TEX14: variants seen among roughly 807,000 people sequenced by gnomAD.
The protein encoded by TEX14 is inactive serine/threonine-protein kinase TEX14.
Under a neutral mutation model 178.6 loss-of-function variants are expected in TEX14, and 168 were observed. The observed-to-expected ratio is 0.94, with a 90% confidence interval of 0.83 to 1.07. The LOEUF is 1.07. TEX14 is among the 50% of genes least tolerant of loss of function. TEX14 has a pLI of 0.00. For missense variants in TEX14, 1,730 were observed against 1,753.6 expected (o/e 0.99, Z 0.24); for synonymous variants, 626 against 634.1 (o/e 0.99, Z 0.19).
intron 21 of TEX14, among the ~76,000 whole-genome samples, chr17:58,576,904 C>T (rs117137289): frequency 6.6e-6 from 1 of 152,202 alleles, no homozygotes; most frequent in Non-Finnish European, 1.5e-5. Context: ...ATGGATGTAC[C>T]AAAGTCTGTT....
At chr17:58,632,179 C>CGGAA (rs1308752356) in intron 2 of TEX14, among the ~76,000 whole-genome samples, 5 of 152,196 alleles carry the variant, frequency 3.3e-5, no homozygotes, top group African/African-American at 1.2e-4. Context: ...GACTGATGAT[C>CGGAA]GGAAGCAAGA....
chr17:58,574,729 C>T (rs1364498826), intron 21 of TEX14, among the ~76,000 whole-genome samples: 2 of 141,306 alleles, frequency 1.4e-5, no homozygotes. Flanking sequence ...GGCTGTACTA[C>T]TAGCTGCGAG....
At chr17:58,581,462 G>T in intron 19 of TEX14, 1 of 807,120 alleles carries the variant, frequency 1.2e-6, no homozygotes, top group Non-Finnish European at 1.9e-6. Context: ...TGAATGCATG[G>T]GTTCATATCA....
At chr17:58,674,616 G>A (rs2047361647) in intron 1 of TEX14, among the ~76,000 whole-genome samples, 1 of 152,038 alleles carries the variant, frequency 6.6e-6, no homozygotes, top group South Asian at 2.1e-4. Context: ...GTTGCAGTGA[G>A]CCGAGATCCT....
In TEX14 at chr17:58,661,998, C is replaced by G. The variant is rs554765513; in HGVS notation, c.-1-9996G>C. The stretch of plus-strand genomic sequence containing the variant: ...CCCCCAAAGTGACTTTGCCAAGATT[C>G]AAGTATCTGCAGTTCCTGCCACACA... On this transcript the variant is annotated intron_variant, in intron 1 of 31. Transcript: ENST00000349033. Among the ~76,000 whole-genome samples, 6 of 152,088 alleles carry G rather than the reference C, an allele frequency of 3.9e-5. No individual in the cohort carries two copies. In the South Asian group the frequency reaches 1.0e-3, roughly 26 times the overall value.
At chr17:58,584,118 T>C (rs1296039986) in intron 19 of TEX14, among the ~76,000 whole-genome samples, 1 of 152,138 alleles carries the variant, frequency 6.6e-6, no homozygotes, top group Non-Finnish European at 1.5e-5. Flanking sequence ...TAGAGGATAT[T>C]CCAGGTGAAG....
intron 9 of TEX14, 122 bp downstream of exon 9, chr17:58,613,299 A>C: frequency 7.9e-7 from 1 of 1,267,960 alleles, no homozygotes; most frequent in South Asian, 1.4e-5. Context: ...TATAAAGCAA[A>C]AGAATAAAGA....
intron 1 of TEX14, among the ~76,000 whole-genome samples, chr17:58,673,075 A>C (rs1178834167): frequency 6.6e-6 from 1 of 151,900 alleles, no homozygotes; most frequent in African/African-American, 2.4e-5. Flanking sequence ...AATTTCTTAC[A>C]ATTGAGTGGT....
At chr17:58,604,176 T>A (rs1198615796) in intron 11 of TEX14, among the ~76,000 whole-genome samples, 2 of 151,446 alleles carry the variant, frequency 1.3e-5, no homozygotes, top group Non-Finnish European at 2.9e-5. Flanking sequence ...ATATTCAGGT[T>A]AAAAAGTTTG....
At chr17:58,649,256 T>C (rs2046789752) in intron 2 of TEX14, among the ~76,000 whole-genome samples, 1 of 151,732 alleles carries the variant, frequency 6.6e-6, no homozygotes, top group African/African-American at 2.4e-5. Flanking sequence ...ATTTTTATAT[T>C]TTTAGTAGAG....
At chr17:58,619,730 A>G (rs2045953729) in intron 5 of TEX14, among the ~76,000 whole-genome samples, 2 of 148,500 alleles carry the variant, frequency 1.3e-5, no homozygotes. Flanking sequence ...TGAACCCAGG[A>G]GACAGAGGTT....
At chr17:58,683,305 G>A (rs745559914) in intron 1 of TEX14, among the ~76,000 whole-genome samples, 24 of 150,974 alleles carry the variant, frequency 1.6e-4, no homozygotes, top group African/African-American at 3.7e-4. Flanking sequence ...CCTGGGAGGC[G>A]GAGGTTGCAG....
intron 18 of TEX14, among the ~76,000 whole-genome samples, 176 bp downstream of exon 18, chr17:58,585,610 GTTTTTTTTTTTTTTT>G (rs879707841): frequency 2.4e-5 from 2 of 83,066 alleles, no homozygotes; most frequent in African/African-American, 9.9e-5. Flanking sequence ...CCCAGCTAAT[GTTTTTTTTTTTTTTT>G]TTTTTTTTTT....
At chr17:58,613,735 T>G (rs2045804957) in intron 8 of TEX14, among the ~76,000 whole-genome samples, 191 bp from the exon 9 acceptor site, 1 of 152,138 alleles carries the variant, frequency 6.6e-6, no homozygotes, top group Non-Finnish European at 1.5e-5. Context: ...ATCTCTCGGC[T>G]GGCTCACTGC....
intron 10 of TEX14, among the ~76,000 whole-genome samples, chr17:58,608,416 CAAA>C (rs561515686): frequency 1.8e-5 from 2 of 108,406 alleles, no homozygotes; most frequent in Non-Finnish European, 1.9e-5. Context: ...GACTCCATCT[CAAA>C]AAAAAAAAAA....
chr17:58,642,942 T>C (rs1252952100), intron 2 of TEX14, among the ~76,000 whole-genome samples: 2 of 152,222 alleles, frequency 1.3e-5, no homozygotes, highest in Non-Finnish European at 2.9e-5. Flanking sequence ...CTAATCATCC[T>C]TGTATGGGCC....
chr17:58,669,729 G>A (rs1476009614), intron 1 of TEX14, among the ~76,000 whole-genome samples: 3 of 86,394 alleles, frequency 3.5e-5, no homozygotes, highest in Non-Finnish European at 6.4e-5. Context: ...GAGAGACTCC[G>A]TCTCAAAAAA....
At chr17:58,586,983 G>A (rs1319995212) in intron 17 of TEX14, among the ~76,000 whole-genome samples, 2 of 152,174 alleles carry the variant, frequency 1.3e-5, no homozygotes, top group Non-Finnish European at 2.9e-5. Context: ...TGAGTTGCCA[G>A]GATAGGTTCC....
chr17:58,664,779 T>C (rs887262465), intron 1 of TEX14, among the ~76,000 whole-genome samples: 1 of 152,220 alleles, frequency 6.6e-6, no homozygotes, highest in African/African-American at 2.4e-5. Context: ...AAAAGATGAA[T>C]ATATTATTAT....
Sources: gnomAD v4.1 joint callset for allele counts (sites outside exome capture counted in the v4.1 genomes callset) on GRCh38, gnomAD v4.1.1 for gene constraint, MANE v1.5 for transcripts, NCBI Gene and HGNC (gene_info 2026-07-23, HGNC 2026-07-21) for gene names.